PDE3B: variants seen among roughly 807,000 people sequenced by gnomAD.
The protein encoded by PDE3B is cGMP-inhibited 3',5'-cyclic phosphodiesterase 3B.
PDE3B carries 66 observed loss-of-function variants against 116.8 expected under a neutral mutation model. That is an observed-to-expected ratio of 0.56 (90% CI 0.46 to 0.69). The LOEUF is 0.69. Ranked by LOEUF, PDE3B falls within the 30% of genes least tolerant of loss-of-function variation. The pLI, the probability that PDE3B is intolerant of heterozygous loss-of-function variation, is 0.00. For missense variants in PDE3B, 1,384 were observed against 1,368.1 expected (o/e 1.01, Z -0.18); for synonymous variants, 595 against 533.6 (o/e 1.12, Z -1.59).
intron 3 of PDE3B, among the ~76,000 whole-genome samples, chr11:14,788,169 G>A (rs976921206): frequency 3.3e-5 from 5 of 151,686 alleles, no homozygotes; most frequent in Non-Finnish European, 7.4e-5. Flanking sequence ...ACTCTATATC[G>A]AATTTGTCTC....
intron 1 of PDE3B, among the ~76,000 whole-genome samples, chr11:14,736,925 G>A (rs1000430544): frequency 6.6e-6 from 1 of 152,176 alleles, no homozygotes; most frequent in African/African-American, 2.4e-5. Flanking sequence ...TGGTCATTAG[G>A]AGTTAGTATG....
chr11:14,864,486 C>G (rs1193930188), intron 14 of PDE3B, among the ~76,000 whole-genome samples: 2 of 152,174 alleles, frequency 1.3e-5, no homozygotes, highest in Non-Finnish European at 2.9e-5. Context: ...CACCCCAAAT[C>G]AACAGAATAT....
chr11:14,727,657 CAA>C (rs1218837317), intron 1 of PDE3B, among the ~76,000 whole-genome samples: 1 of 152,058 alleles, frequency 6.6e-6, no homozygotes, highest in Non-Finnish European at 1.5e-5. Context: ...TTACAATAAT[CAA>C]ATGTTAGGGC....
Position 14,644,780 on chromosome 11 carries a change from C to T in PDE3B, c.705C>T (p.Thr235=), listed in dbSNP as rs758055532. 17 of 1,608,524 alleles carry T rather than the reference C, an allele frequency of 1.1e-5. No homozygotes were observed. In the East Asian group the frequency reaches 2.5e-4, roughly 23 times the overall value. ...GCTTCGTCTGGTGGGTCTCCTTCAC[C>T]AGCCTCGGGTCGCTGCCCTCCGCCC... ...LASFVWWVSF[T]SLGSLPSALR... is the part of the protein sequence containing the mutation. Residue 235 remains threonine, a synonymous_variant, in exon 1 of 16, where the codon ACC becomes ACT. Coordinates refer to ENST00000282096, the MANE Select transcript of PDE3B (RefSeq NM_000922.4).
intron 2 of PDE3B, among the ~76,000 whole-genome samples, chr11:14,778,203 G>T (rs1857850683): frequency 6.6e-6 from 1 of 152,174 alleles, no homozygotes; most frequent in Non-Finnish European, 1.5e-5. Context: ...ACAGCTCAAG[G>T]AGTCCTGCCG....
chr11:14,696,589 T>C (rs1362651278), intron 1 of PDE3B, among the ~76,000 whole-genome samples: 1 of 152,188 alleles, frequency 6.6e-6, no homozygotes, highest in African/African-American at 2.4e-5. Flanking sequence ...TGGATATTGA[T>C]ATTCTCTTTT....
At chr11:14,744,188 A>T (rs992326091) in intron 1 of PDE3B, among the ~76,000 whole-genome samples, 2 of 152,164 alleles carry the variant, frequency 1.3e-5, no homozygotes, top group Admixed American at 6.5e-5. Flanking sequence ...TGTAGCTTTT[A>T]TAATCAGTTA....
intron 1 of PDE3B, among the ~76,000 whole-genome samples, chr11:14,655,694 T>C (rs1853699327): frequency 1.3e-5 from 2 of 152,170 alleles, no homozygotes; most frequent in Admixed American, 6.5e-5. Flanking sequence ...GGGGAGTGTA[T>C]TGGAAGTCTT....
intron 12 of PDE3B, among the ~76,000 whole-genome samples, chr11:14,854,797 G>A (rs1847818982): frequency 6.6e-6 from 1 of 152,118 alleles, no homozygotes. Context: ...TTACAGGCGT[G>A]AGCCACCGCA....
chr11:14,853,831 A>G (rs1463001185), intron 12 of PDE3B, among the ~76,000 whole-genome samples: 1 of 152,212 alleles, frequency 6.6e-6, no homozygotes, highest in African/African-American at 2.4e-5. Flanking sequence ...TCCAAATGAG[A>G]AGTTGGCTGA....
chr11:14,693,670 T>G (rs951626907), intron 1 of PDE3B, among the ~76,000 whole-genome samples: 1 of 152,174 alleles, frequency 6.6e-6, no homozygotes, highest in Non-Finnish European at 1.5e-5. Context: ...AATATATTCC[T>G]TTCAAAATAT....
At position 14,644,460 on chromosome 11, in the gene PDE3B, T is replaced by G. The variant is rs780506554; in HGVS notation, c.385T>G (p.Phe129Val). Residue 129 changes from phenylalanine (F) to valine (V), a missense_variant, in exon 1 of 16, where the codon TTC becomes GTC. This residue lies in a region of PDE3B where 956 missense variants were observed against 806.8 expected (regional missense o/e 1.18). Coordinates refer to ENST00000282096, the MANE Select transcript of PDE3B (RefSeq NM_000922.4). ...LSPLFSIACA[F>V]FFLTCFLTRT... is the part of the protein sequence containing the mutation. ...CCCCCTCTTCAGCATCGCCTGTGCC[T>G]TCTTCTTCCTCACCTGCTTCCTCAC... The G allele has an allele frequency of 1.2e-5, 20 of 1,612,920 alleles. No individual in the cohort carries two copies. Among genetic ancestry groups the G allele is most frequent in the Admixed American group, 5.0e-5 (3 of 59,960 alleles).
At chr11:14,817,547 T>C (rs1025069042) in intron 5 of PDE3B, among the ~76,000 whole-genome samples, 7 of 152,092 alleles carry the variant, frequency 4.6e-5, no homozygotes, top group Admixed American at 4.6e-4. Flanking sequence ...CCCAGGTGTT[T>C]GAGACCAGCC....
the PDE3B span, chr11:14,885,814 G>C: frequency 6.2e-7 from 1 of 1,613,228 alleles, no homozygotes; most frequent in Non-Finnish European, 8.5e-7. Flanking sequence ...AGGAAGGCAT[G>C]GTCTGTCTGC....
chr11:14,758,742 G>A (rs560669337), intron 1 of PDE3B, among the ~76,000 whole-genome samples: 23 of 151,588 alleles, frequency 1.5e-4, no homozygotes, highest in Admixed American at 1.2e-3. Flanking sequence ...CAATCATGTC[G>A]TCTGCAAACA....
rs1000309973 is a variant in PDE3B at position 14,740,475 on chromosome 11, A to G, written c.979-31462A>G. On this transcript the variant is annotated intron_variant, in intron 1 of 15. Coordinates refer to ENST00000282096, the MANE Select transcript of PDE3B (RefSeq NM_000922.4). ...CCCTGTATCATTTTTTATTGAGTCT[A>G]TTTGATTCTTCTCTCTTTTCATCTT... 3.3e-5 allele frequency among the ~76,000 whole-genome samples: 5 copies of G among 152,000 alleles called. No individual in the cohort carries two copies. In the East Asian group the frequency reaches 9.6e-4, roughly 29 times the overall value.
At chr11:14,663,260 A>G (rs1250351115) in intron 1 of PDE3B, among the ~76,000 whole-genome samples, 3 of 152,176 alleles carry the variant, frequency 2.0e-5, no homozygotes, top group Non-Finnish European at 4.4e-5. Context: ...GCAAATGCTG[A>G]GAGATTTTGT....
chr11:14,890,478 G>A, the PDE3B span: 2 of 970,198 alleles, frequency 2.1e-6, no homozygotes, highest in South Asian at 4.8e-5. Flanking sequence ...AACTATTCGT[G>A]AACCATGAAA....
At chr11:14,863,646 T>C (rs11822044) in intron 14 of PDE3B, among the ~76,000 whole-genome samples, 3,178 of 152,252 alleles carry the variant, frequency 0.021, 113 homozygotes, top group African/African-American at 0.073. Context: ...TGGGGGCCAA[T>C]ATTCAACATT....
Sources: gnomAD v4.1 joint callset for allele counts (sites outside exome capture counted in the v4.1 genomes callset) on GRCh38, gnomAD v4.1.1 for gene constraint, gnomAD v4.1.1 regional missense constraint, MANE v1.5 for transcripts, NCBI Gene and HGNC (gene_info 2026-07-23, HGNC 2026-07-21) for gene names.